The following ZNF420 variants were observed in gnomAD, a reference collection of about 807,000 sequenced individuals.
ZNF420 encodes the protein ATM and p53-associated KZNF protein.
In ZNF420, 31 loss-of-function variants were observed where a neutral mutation model predicts 44.7. The ratio of observed to expected loss-of-function variants is 0.69; its 90% confidence interval spans 0.52 to 0.94. ZNF420 has a LOEUF of 0.94. ZNF420 is among the 40% of genes least tolerant of loss of function. The pLI is 0.00. For synonymous variants in ZNF420, 245 were observed against 267.4 expected (o/e 0.92, Z 0.82); for missense variants, 681 against 827.9 (o/e 0.82, Z 2.18).
intron 1 of ZNF420, among the ~76,000 whole-genome samples, chr19:37,045,141 A>C (rs897850906): frequency 4.6e-5 from 7 of 152,158 alleles, no homozygotes; most frequent in African/African-American, 1.4e-4. Context: ...TATTTTGAAC[A>C]ATTTTCTATT....
chr19:37,064,001 G>T (rs1906064800), intron 1 of ZNF420, among the ~76,000 whole-genome samples: 1 of 152,130 alleles, frequency 6.6e-6, no homozygotes, highest in Non-Finnish European at 1.5e-5. Flanking sequence ...CCAGTCTGAA[G>T]AATTTCCTTC....
intron 4 of ZNF420, among the ~76,000 whole-genome samples, chr19:37,093,344 TC>T (rs1969262409): frequency 6.6e-6 from 1 of 152,080 alleles, no homozygotes; most frequent in African/African-American, 2.4e-5. Context: ...TTCCTCAGCC[TC>T]CCCAGCAGCT....
intron 4 of ZNF420, chr19:37,115,280 A>G (rs12461119): frequency 0.019 from 2,941 of 153,744 alleles, 80 homozygotes; most frequent in East Asian, 0.051. Flanking sequence ...GAGACACAGA[A>G]ACAAAGTATA....
At chr19:37,085,733 T>C (rs1014050351) in intron 2 of ZNF420, among the ~76,000 whole-genome samples, 2 of 151,914 alleles carry the variant, frequency 1.3e-5, no homozygotes, top group African/African-American at 4.8e-5. Context: ...TTTTTTTCTT[T>C]ATTTCTTTTT....
At chr19:37,032,328 TA>T (rs201146425) in intron 1 of ZNF420, among the ~76,000 whole-genome samples, 126 of 140,250 alleles carry the variant, frequency 9.0e-4, no homozygotes, top group Admixed American at 1.2e-3. Flanking sequence ...AAGACTCTGT[TA>T]AAAAAAAAAA....
At chr19:37,087,273 A>C in intron 2 of ZNF420, among the ~76,000 whole-genome samples, 1 of 101,690 alleles carries the variant, frequency 9.8e-6, no homozygotes, top group South Asian at 3.7e-4. Flanking sequence ...TGAGAGTGAG[A>C]CCCTGTCTCA....
chr19:37,079,332 A>G (rs1700976099), intron 1 of ZNF420, among the ~76,000 whole-genome samples: 1 of 152,178 alleles, frequency 6.6e-6, no homozygotes, highest in African/African-American at 2.4e-5. Context: ...AGTCCAGTAC[A>G]GAAGTAAATT....
chr19:37,066,549 A>C (rs1185874508), intron 1 of ZNF420, among the ~76,000 whole-genome samples: 1 of 152,234 alleles, frequency 6.6e-6, no homozygotes, highest in Non-Finnish European at 1.5e-5. Flanking sequence ...CAATAAGTAC[A>C]TAAAAAGTGA....
rs569063851 is a variant in ZNF420, at chr19:37,037,877, C to T, written c.-125+29795C>T. Among the ~76,000 whole-genome samples the T allele has an allele frequency of 3.3e-5, 5 of 152,256 alleles. No homozygotes were observed. The South Asian group carries it at 1.0e-3, about 32-fold the overall frequency. On this transcript the variant is annotated intron_variant, in intron 1 of 4. Coordinates refer to the ZNF420 transcript ENST00000587029. ...TGCGATATTCGCCTTGTTGTGGTGA[C>T]CTAGAACCAAACCTGTAATATCTCC...
chr19:37,068,292 G>T (rs1172036646), intron 1 of ZNF420, among the ~76,000 whole-genome samples: 1 of 152,004 alleles, frequency 6.6e-6, no homozygotes, highest in Non-Finnish European at 1.5e-5. Context: ...ATAAAGGAAA[G>T]AAATGAAACA....
At position 37,127,259 on chromosome 19, in the gene ZNF420, T is replaced by G. The variant is rs139920634; in HGVS notation, c.268T>G (p.Leu90Val). 9 of 1,613,644 alleles carry G rather than the reference T, an allele frequency of 5.6e-6. No homozygotes were observed. The highest frequency in any genetic ancestry group is 7.6e-6 in the Non-Finnish European group (9 of 1,179,804). ...TGAAGAGTCCAATTCCAGGGATTAT[T>G]TGGAAGCCAAAGGCAAGATGGAGAA... is the stretch of plus-strand genomic sequence containing the variant. ...DLEESNSRDY[L>V]EAKGKMEKQQ... The change falls in exon 5 of 5, where the codon TTG (leucine) becomes GTG (valine). Residue 90 changes from leucine to valine, a missense_variant. Transcript: ENST00000337995.
intron 1 of ZNF420, among the ~76,000 whole-genome samples, chr19:37,050,075 ATC>A (rs1967611673): frequency 6.6e-6 from 1 of 152,036 alleles, no homozygotes; most frequent in Non-Finnish European, 1.5e-5. Context: ...ATTGGTCTAT[ATC>A]TCTGTTTTGG....
chr19:37,029,620 TCTCTGCAGCCTCAG>T, intron 1 of ZNF420, among the ~76,000 whole-genome samples: 1 of 151,640 alleles, frequency 6.6e-6, no homozygotes, highest in East Asian at 1.9e-4. Context: ...CGATCTCAGC[TCTCTGCAGCCTCAG>T]CCTCCCAGAT....
intron 2 of ZNF420, 140 bp downstream of exon 2, chr19:37,080,528 G>A (rs576909597): frequency 5.2e-5 from 8 of 152,716 alleles, no homozygotes; most frequent in African/African-American, 1.9e-4. Context: ...CAAAGAAAAT[G>A]TGCCATTAAT....
chr19:37,095,634 T>A (rs1010741602), intron 4 of ZNF420, among the ~76,000 whole-genome samples: 5 of 152,268 alleles, frequency 3.3e-5, no homozygotes, highest in Middle Eastern at 6.8e-3. Flanking sequence ...GTCTCATTCT[T>A]GTTGCCCAGG....
chr19:37,053,666 C>T (rs550731168), intron 1 of ZNF420, among the ~76,000 whole-genome samples: 2 of 152,178 alleles, frequency 1.3e-5, no homozygotes, highest in East Asian at 1.9e-4. Flanking sequence ...TGGAGGCTGC[C>T]GAACAGCGGA....
intron 1 of ZNF420, among the ~76,000 whole-genome samples, chr19:37,062,623 T>A (rs142884264): frequency 6.6e-6 from 1 of 152,384 alleles, no homozygotes; most frequent in East Asian, 1.9e-4. Flanking sequence ...TAATCACTTA[T>A]GTTTTCCTAA....
intron 2 of ZNF420, among the ~76,000 whole-genome samples, chr19:37,081,698 G>GTTT (rs1371325284): frequency 1.8e-4 from 14 of 76,658 alleles, no homozygotes; most frequent in African/African-American, 6.7e-4. Context: ...GCTAATTTTT[G>GTTT]TATTTTTTTT....
At chr19:37,046,509 T>C (rs1455912087) in intron 1 of ZNF420, among the ~76,000 whole-genome samples, 3 of 152,190 alleles carry the variant, frequency 2.0e-5, no homozygotes, top group Non-Finnish European at 2.9e-5. Context: ...TAATATGTTA[T>C]TTATGGCAAT....
Sources: allele counts gnomAD v4.1 joint callset (sites outside exome capture counted in the v4.1 genomes callset), GRCh38; gene constraint gnomAD v4.1.1; transcripts MANE v1.5; gene names NCBI Gene and HGNC (gene_info 2026-07-23, HGNC 2026-07-21).